The following ADPGK variants were observed in gnomAD, a reference collection of about 807,000 sequenced individuals.
The protein encoded by ADPGK is ADP-dependent glucokinase.
Under a neutral mutation model 42.4 loss-of-function variants are expected in ADPGK, and 26 were observed. That is an observed-to-expected ratio of 0.61 (90% CI 0.45 to 0.85). The LOEUF (loss-of-function observed/expected upper bound fraction) is 0.85, where lower values mean the gene tolerates loss of function less well. ADPGK is among the 40% of genes least tolerant of loss of function. The pLI, the probability that ADPGK is intolerant of heterozygous loss-of-function variation, is 0.00. For missense variants in ADPGK, 571 were observed against 627.0 expected (o/e 0.91, Z 0.95); for synonymous variants, 267 against 252.6 (o/e 1.06, Z -0.54).
chr15:72,755,476 C>A (rs1196412054), intron 6 of ADPGK, 80 bp downstream of exon 6: 3 of 1,067,022 alleles, frequency 2.8e-6, no homozygotes, highest in African/African-American at 1.6e-5. Context: ...TGAGCCCAAA[C>A]AGATGGTCCC....
chr15:72,776,037 T>C (rs1443429575), intron 1 of ADPGK, among the ~76,000 whole-genome samples: 1 of 152,246 alleles, frequency 6.6e-6, no homozygotes, highest in African/African-American at 2.4e-5. Context: ...ATAAAGTTTC[T>C]ATTCCTTACG....
chr15:72,782,519 C>G (rs1348688033), intron 1 of ADPGK, among the ~76,000 whole-genome samples: 1 of 74,756 alleles, frequency 1.3e-5, no homozygotes, highest in Non-Finnish European at 2.4e-5. Context: ...AGAGAGAGAC[C>G]CTGTGTCCAA....
chr15:72,768,966 C>A (rs1408482585), intron 3 of ADPGK, among the ~76,000 whole-genome samples: 11 of 117,624 alleles, frequency 9.4e-5, no homozygotes, highest in African/African-American at 3.0e-4. Context: ...AAGGCCAGAT[C>A]CTGTCTCTCA....
intron 2 of ADPGK, among the ~76,000 whole-genome samples, chr15:72,774,363 T>TA (rs2066364169): frequency 6.6e-6 from 1 of 152,062 alleles, no homozygotes; most frequent in Non-Finnish European, 1.5e-5. Flanking sequence ...AGGGTACATG[T>TA]AGGAGCAGGC....
At chr15:72,754,117 A>G (rs1341176146) in intron 6 of ADPGK, among the ~76,000 whole-genome samples, 1 of 151,662 alleles carries the variant, frequency 6.6e-6, no homozygotes, top group African/African-American at 2.4e-5. Flanking sequence ...AAACAAAACC[A>G]ACGACAGTCA....
chr15:72,771,095 T>C (rs2151086602), intron 3 of ADPGK, among the ~76,000 whole-genome samples: 1 of 152,328 alleles, frequency 6.6e-6, no homozygotes, highest in South Asian at 2.1e-4. Flanking sequence ...AATCCAAACC[T>C]TAATCATTAT....
intron 1 of ADPGK, among the ~76,000 whole-genome samples, chr15:72,779,869 C>CATCTGAA (rs2066435475): frequency 6.6e-6 from 1 of 152,216 alleles, no homozygotes; most frequent in Non-Finnish European, 1.5e-5. Context: ...AGAGAAGCTT[C>CATCTGAA]ATCTGAAATC....
chr15:72,754,943 TAGAA>T (rs2066092665), intron 6 of ADPGK, among the ~76,000 whole-genome samples: 1 of 152,210 alleles, frequency 6.6e-6, no homozygotes, highest in South Asian at 2.1e-4. Context: ...GGGGAGGAAG[TAGAA>T]GGGAGACTTC....
chr15:72,763,148 A>C (rs1175055180), intron 3 of ADPGK, among the ~76,000 whole-genome samples: 3 of 151,998 alleles, frequency 2.0e-5, no homozygotes, highest in Non-Finnish European at 4.4e-5. Flanking sequence ...ATGAGATGGA[A>C]ATATGTTTTT....
In ADPGK at chr15:72,752,005, C is replaced by T. The variant is rs2066051512; in HGVS notation, c.*336G>A. 3.7e-6 allele frequency: 1 copy of T among 267,840 alleles called. No homozygotes were observed. The highest frequency in any genetic ancestry group is 4.9e-5 in the Admixed American group (1 of 20,430). The allele number at this position is 267,840 out of a possible 1,614,324, so 16.6% of individuals were successfully genotyped here. On this transcript the variant is annotated 3_prime_UTR_variant, in exon 7 of 7. Transcript: ENST00000456471. Reference sequence around the variant, plus strand: ...GTTGGGTGAGTGGGCGTGCACTTCTCAAGTGGGCAAGGAAGAACTGCTTTT... The same window carrying T: ...GTTGGGTGAGTGGGCGTGCACTTCTTAAGTGGGCAAGGAAGAACTGCTTTT...
At chr15:72,767,215 GAATT>G (rs2066271630) in intron 3 of ADPGK, among the ~76,000 whole-genome samples, 1 of 151,976 alleles carries the variant, frequency 6.6e-6, no homozygotes, top group Non-Finnish European at 1.5e-5. Context: ...AATGATAAAG[GAATT>G]AATTCATTAA....
rs1168235274 is a variant in ADPGK at position 72,783,365 on chromosome 15, G to A, written c.233+94C>T. 7 of 1,296,310 alleles carry A rather than the reference G, an allele frequency of 5.4e-6. No individual in the cohort carries two copies. The East Asian group carries it at 1.9e-4, about 35-fold the overall frequency. 80.3% of individuals were successfully genotyped at this position (1,296,310 alleles called of 1,614,324 possible). A position where few individuals can be genotyped will look rare whatever the true frequency, so the allele number is the denominator to read the frequency against. ...GCCAGCGCGGACAGCAGCGCCTCCCGGGGACCTCTGAGAAGCCCTGTTTCT... is the reference window on the plus strand; with the variant it reads ...GCCAGCGCGGACAGCAGCGCCTCCCAGGGACCTCTGAGAAGCCCTGTTTCT... On this transcript the variant is annotated intron_variant, in intron 1 of 6. Transcript: ENST00000456471.
At chr15:72,759,473 G>A (rs772448518) in intron 4 of ADPGK, among the ~76,000 whole-genome samples, 46 of 152,122 alleles carry the variant, frequency 3.0e-4, no homozygotes, top group Non-Finnish European at 5.3e-4. Context: ...GTAAGCACCC[G>A]AAAGAGAACC....
Position 72,768,668 on chromosome 15 carries a change from GA to G in ADPGK, c.522+3114del, listed in dbSNP as rs111875201. ...TGGGCAGAGCGAGACTCCATCTTAAGAAAAAAAAAAAATTGAAGAGAAGATA... is the reference window on the plus strand; with the variant it reads ...TGGGCAGAGCGAGACTCCATCTTAAGAAAAAAAAAAATTGAAGAGAAGATA... On this transcript the variant is annotated intron_variant, in intron 3 of 6. Transcript: ENST00000456471. Among the ~76,000 whole-genome samples, 54 of 141,066 alleles carry G rather than the reference GA, an allele frequency of 3.8e-4. 1 individual carries two copies. The highest frequency in any genetic ancestry group is 1.3e-3 in the Admixed American group (18 of 14,178). 92.5% of individuals were successfully genotyped at this position (141,066 alleles called of 152,430 possible).
intron 4 of ADPGK, among the ~76,000 whole-genome samples, chr15:72,758,859 C>A (rs2066151222): frequency 6.6e-6 from 1 of 152,242 alleles, no homozygotes. Context: ...ATCTGGAACT[C>A]ATGGCAGCAA....
rs879455963 is a variant in ADPGK, at chr15:72,768,211, T to TA, written c.522+3571dup. On this transcript the variant is annotated intron_variant, in intron 3 of 6. Transcript: ENST00000456471. ...AAGATACAAACTACTAAAGCTCATT[T>TA]AAAAAAAAAAAAGGAAAATCTGGAT... Among the ~76,000 whole-genome samples, 230 of 144,254 alleles carry TA rather than the reference T, an allele frequency of 1.6e-3. 1 individual carries two copies. Among genetic ancestry groups the TA allele is most frequent in the East Asian group, 3.0e-3 (15 of 4,996 alleles). 94.6% of individuals were successfully genotyped at this position (144,254 alleles called of 152,430 possible).
At position 72,774,985 on chromosome 15, in the gene ADPGK, C is replaced by G; in HGVS notation, c.346G>C (p.Glu116Gln). 6.2e-7 allele frequency: 1 copy of G among 1,614,192 alleles called. No individual in the cohort carries two copies. Among genetic ancestry groups the G allele is most frequent in the Admixed American group, 1.7e-5 (1 of 60,022 alleles). Residue 116 changes from glutamate (E) to glutamine (Q), a missense_variant, in exon 2 of 7, where the codon GAA (glutamate) becomes CAA (glutamine). Transcript: ENST00000456471. ...HSILHSRNDL[E>Q]EAFIHFMGKG... is the part of the protein sequence containing the mutation. ...CCCATGAAGTGAATGAAGGCTTCTTCCAGATCATTCCTTGAATGCAGAATG... is the reference window on the plus strand; with the variant it reads ...CCCATGAAGTGAATGAAGGCTTCTTGCAGATCATTCCTTGAATGCAGAATG...
intron 6 of ADPGK, among the ~76,000 whole-genome samples, chr15:72,754,879 A>C (rs987965910): frequency 6.6e-6 from 1 of 152,212 alleles, no homozygotes; most frequent in Non-Finnish European, 1.5e-5. Context: ...GTATTTTCTT[A>C]TACTTGTACA....
intron 1 of ADPGK, among the ~76,000 whole-genome samples, chr15:72,778,825 G>A (rs531340150): frequency 6.6e-6 from 1 of 152,206 alleles, no homozygotes; most frequent in Non-Finnish European, 1.5e-5. Context: ...TAGGGCAGTG[G>A]TCCCTGTGCT....
Sources: gnomAD v4.1 joint callset for allele counts (sites outside exome capture counted in the v4.1 genomes callset) on GRCh38, gnomAD v4.1.1 for gene constraint, MANE v1.5 for transcripts, NCBI Gene and HGNC (gene_info 2026-07-23, HGNC 2026-07-21) for gene names.